Variants in RBFOX1 observed in about 807,000 individuals in gnomAD.
RBFOX1 encodes the protein RNA binding fox-1 homolog 1.
A neutral mutation model predicts 57.7 loss-of-function variants in RBFOX1; 8 were observed. That is an observed-to-expected ratio of 0.14 (90% CI 0.08 to 0.25). The LOEUF is 0.25. Ranked by LOEUF, RBFOX1 falls within the 10% of genes least tolerant of loss-of-function variation. The pLI is 1.00. For missense variants in RBFOX1, 611 were observed against 548.5 expected (o/e 1.11, Z -1.14); for synonymous variants, 326 against 222.4 (o/e 1.47, Z -4.15).
chr16:6,852,735 G>A (rs781203645), intron 3 of RBFOX1, among the ~76,000 whole-genome samples: 1 of 151,996 alleles, frequency 6.6e-6, no homozygotes, highest in African/African-American at 2.4e-5. Context: ...CTGGGAACTA[G>A]CTGTCTAGGT....
At chr16:6,875,273 G>A (rs1012385183) in intron 3 of RBFOX1, among the ~76,000 whole-genome samples, 4 of 152,176 alleles carry the variant, frequency 2.6e-5, no homozygotes, top group Non-Finnish European at 5.9e-5. Context: ...CTCTTCGGTT[G>A]TCTAAACAAT....
At chr16:7,283,188 A>G (rs1337829146) in intron 4 of RBFOX1, among the ~76,000 whole-genome samples, 1 of 151,922 alleles carries the variant, frequency 6.6e-6, no homozygotes, top group Non-Finnish European at 1.5e-5. Flanking sequence ...GATTTTCCAT[A>G]GTGGTGGGTT....
At chr16:6,592,955 G>T (rs2097732848) in intron 2 of RBFOX1, among the ~76,000 whole-genome samples, 1 of 152,162 alleles carries the variant, frequency 6.6e-6, no homozygotes, top group Non-Finnish European at 1.5e-5. Context: ...CACCTTGGGA[G>T]GCTGAGGCAA....
chr16:6,529,321 GGGAGGTGGAGGCA>G (rs1335366397), intron 2 of RBFOX1, among the ~76,000 whole-genome samples: 1 of 152,090 alleles, frequency 6.6e-6, no homozygotes. Context: ...CCAGCAGTTT[GGGAGGTGGAGGCA>G]GGCAGATCAA....
intron 2 of RBFOX1, among the ~76,000 whole-genome samples, chr16:5,508,549 G>T (rs1034335448): frequency 1.9e-4 from 29 of 152,252 alleles, no homozygotes; most frequent in African/African-American, 6.7e-4. Flanking sequence ...TGATTGCACA[G>T]AGTGCCACAC....
At chr16:5,885,706 G>A (rs74004676) in intron 4 of RBFOX1, among the ~76,000 whole-genome samples, 1,750 of 152,208 alleles carry the variant, frequency 0.011, 44 homozygotes, top group African/African-American at 0.041. Context: ...AAAGAAATAC[G>A]TTCTGCTTTC....
chr16:6,432,767 C>T lies in RBFOX1; in HGVS notation c.-64+115710C>T, dbSNP rs539853833. Among the ~76,000 whole-genome samples, 159 of 152,042 alleles carry T rather than the reference C, an allele frequency of 1.0e-3. 1 individual carries two copies. The highest frequency in any genetic ancestry group is 3.4e-3 in the African/African-American group (141 of 41,492). On this transcript the variant is annotated intron_variant, in intron 2 of 15. Coordinates refer to ENST00000550418, the MANE Select transcript of RBFOX1 (RefSeq NM_018723.4). ...GGCAAAGGTGGGCAGGTCACGAGGT[C>T]GGGAGTTCGAGACCAGTCTGACTGA...
chr16:6,987,785 C>G (rs2090621605), intron 3 of RBFOX1, among the ~76,000 whole-genome samples: 1 of 152,068 alleles, frequency 6.6e-6, no homozygotes, highest in Non-Finnish European at 1.5e-5. Flanking sequence ...TAAGAACGAA[C>G]ATTGTAAGGC....
At chr16:7,000,388 A>T (rs998251080) in intron 3 of RBFOX1, among the ~76,000 whole-genome samples, 1 of 152,138 alleles carries the variant, frequency 6.6e-6, no homozygotes, top group Non-Finnish European at 1.5e-5. Flanking sequence ...CCTCCAACTC[A>T]GTGTTTGCAA....
chr16:7,472,651 G>C (rs1190443240), intron 4 of RBFOX1, among the ~76,000 whole-genome samples: 1 of 152,164 alleles, frequency 6.6e-6, no homozygotes, highest in East Asian at 1.9e-4. Context: ...AGCTATTTTT[G>C]AGCATTAATC....
intron 4 of RBFOX1, among the ~76,000 whole-genome samples, chr16:7,111,792 A>G (rs916483323): frequency 6.6e-6 from 1 of 150,738 alleles, no homozygotes; most frequent in Non-Finnish European, 1.5e-5. Flanking sequence ...TGGCCAATCT[A>G]TTTGATTTTT....
At position 6,868,425 on chromosome 16, in the gene RBFOX1, C is replaced by T. The variant is rs554783125; in HGVS notation, c.-15-183632C>T. Among the ~76,000 whole-genome samples, 6 of 152,134 alleles carry T rather than the reference C, an allele frequency of 3.9e-5. No individual in the cohort carries two copies. In the South Asian group the frequency reaches 6.2e-4, roughly 16 times the overall value. On this transcript the variant is annotated intron_variant, in intron 3 of 15. Coordinates refer to ENST00000550418, the MANE Select transcript of RBFOX1 (RefSeq NM_018723.4). ...GTTAGTGTTCAAATTGGTAAAGTTG[C>T]CAGGGCGAGGTAGGAAAGTCACATT...
chr16:5,682,192 C>G (rs1416272967), intron 3 of RBFOX1, among the ~76,000 whole-genome samples: 1 of 152,204 alleles, frequency 6.6e-6, no homozygotes, highest in Admixed American at 6.5e-5. Flanking sequence ...GGCTTTGTTA[C>G]AGTTTGCTCC....
At chr16:6,108,776 CA>C (rs1399549259) in intron 1 of RBFOX1, among the ~76,000 whole-genome samples, 1 of 152,226 alleles carries the variant, frequency 6.6e-6, no homozygotes, top group Admixed American at 6.5e-5. Context: ...GGCTTGTGGC[CA>C]CATCCCTGAC....
At position 5,706,909 on chromosome 16, in the gene RBFOX1, C is replaced by G. The variant is rs911734706; in HGVS notation, c.318+107948C>G. ...GGGTTCCTCCAGCCCTAGCCTAAGC[C>G]CACTCTGTAGGTGGCCAGTATCTTA... On this transcript the variant is annotated intron_variant, in intron 3 of 19. Coordinates refer to the RBFOX1 transcript ENST00000641259. Among the ~76,000 whole-genome samples, 10 of 152,084 alleles carry G rather than the reference C, an allele frequency of 6.6e-5. No homozygotes were observed. In the East Asian group the frequency reaches 1.9e-3, roughly 29 times the overall value.
chr16:5,469,440 A>G (rs2069060051), intron 2 of RBFOX1, among the ~76,000 whole-genome samples: 1 of 152,198 alleles, frequency 6.6e-6, no homozygotes, highest in South Asian at 2.1e-4. Context: ...ATTCACGTGC[A>G]TTCATTGCTT....
At chr16:7,493,427 T>G (rs1382990758) in intron 4 of RBFOX1, among the ~76,000 whole-genome samples, 2 of 152,198 alleles carry the variant, frequency 1.3e-5, no homozygotes, top group Non-Finnish European at 2.9e-5. Flanking sequence ...CACTGGAACC[T>G]GCGAGTGTTA....
chr16:7,551,621 T>A (rs569022684), intron 5 of RBFOX1, among the ~76,000 whole-genome samples: 1 of 152,216 alleles, frequency 6.6e-6, no homozygotes, highest in East Asian at 1.9e-4. Context: ...AAAAGGGTAA[T>A]GCAGTGGAAT....
chr16:5,896,265 C>G (rs914663333), intron 4 of RBFOX1, among the ~76,000 whole-genome samples: 5 of 152,138 alleles, frequency 3.3e-5, no homozygotes, highest in African/African-American at 1.2e-4. Flanking sequence ...AAACCTCATG[C>G]TGAAAGTTGA....
Sources: allele counts gnomAD v4.1 joint callset (sites outside exome capture counted in the v4.1 genomes callset), GRCh38; gene constraint gnomAD v4.1.1; transcripts MANE v1.5; gene names NCBI Gene and HGNC (gene_info 2026-07-23, HGNC 2026-07-21).